SNED1: variants seen among roughly 807,000 people sequenced by gnomAD.
The protein encoded by SNED1 is sushi, nidogen and EGF like domains 1.
Under a neutral mutation model 166.7 loss-of-function variants are expected in SNED1, and 81 were observed. The ratio of observed to expected loss-of-function variants is 0.49; its 90% CI spans 0.41 to 0.58. The LOEUF (loss-of-function observed/expected upper bound fraction) is 0.58. Among genes scored for constraint, SNED1 ranks in the 20% least tolerant of loss-of-function variants. The pLI, the probability that SNED1 is intolerant of heterozygous loss-of-function variation, is 0.00. For synonymous variants in SNED1, 762 were observed against 822.0 expected, an observed-to-expected ratio of 0.93 and a Z score of 1.25; for missense variants, 1,604 against 2,000.2, an observed-to-expected ratio of 0.80 and a Z score of 3.78.
chr2:241,085,075 T>C (rs1372156598), intron 29 of SNED1, among the ~76,000 whole-genome samples: 1 of 152,242 alleles, frequency 6.6e-6, no homozygotes, highest in Non-Finnish European at 1.5e-5. Flanking sequence ...TTGGACAATT[T>C]AATTATGATG....
chr2:241,020,576 G>A (rs2060741372), intron 1 of SNED1, among the ~76,000 whole-genome samples: 1 of 152,294 alleles, frequency 6.6e-6, no homozygotes, highest in African/African-American at 2.4e-5. Context: ...ATTTCCTTTA[G>A]GCCACCAGGA....
intron 29 of SNED1, among the ~76,000 whole-genome samples, chr2:241,085,269 G>A (rs896826158): frequency 1.3e-5 from 2 of 152,138 alleles, no homozygotes; most frequent in South Asian, 2.1e-4. Flanking sequence ...TGTCCCACAG[G>A]TCACTGCAGC....
At chr2:241,032,858 TTTTC>T (rs2061231501) in intron 2 of SNED1, among the ~76,000 whole-genome samples, 1 of 152,230 alleles carries the variant, frequency 6.6e-6, no homozygotes, top group Admixed American at 6.5e-5. Context: ...CTTTTGGTCT[TTTTC>T]TTATTGATCT....
chr2:241,051,876 G>A lies in SNED1; in HGVS notation c.1852+16G>A, dbSNP rs775691029. On this transcript the variant is annotated intron_variant, in intron 13 of 31. Transcript: ENST00000310397. This position sits in a 1 kb window ranked among gnomAD's most constrained non-coding sequence, Gnocchi z 4.7. ...TGTGAGATCGGTGCGGCCCCCAGGG[G>A]CAGGGGGGAGGGCAGGAACGACGGG... The A allele has an allele frequency of 9.2e-6, 14 of 1,525,260 alleles. No homozygotes were observed. In the Middle Eastern group the frequency reaches 8.6e-4, roughly 93 times the overall value. 94.5% of individuals were successfully genotyped at this position (1,525,260 alleles called of 1,614,324 possible). A position where few individuals can be genotyped will look rare whatever the true frequency, so the allele number is the denominator to read the frequency against.
chr2:241,008,528 G>T (rs150573525), intron 1 of SNED1, among the ~76,000 whole-genome samples: 1 of 152,336 alleles, frequency 6.6e-6, no homozygotes, highest in African/African-American at 2.4e-5. Flanking sequence ...GGCAAGACAG[G>T]CTGGAAGGGT....
At chr2:241,024,025 A>G (rs1336387386) in intron 1 of SNED1, among the ~76,000 whole-genome samples, 1 of 150,174 alleles carries the variant, frequency 6.7e-6, no homozygotes, top group Non-Finnish European at 1.5e-5. Flanking sequence ...AGCTGAGACT[A>G]CAGGCATGTG....
In SNED1 at chr2:241,036,789, G is replaced by A; in HGVS notation, c.806-1G>A. On this transcript the variant is annotated splice_acceptor_variant, in intron 4 of 31. Coordinates refer to ENST00000310397, the MANE Select transcript of SNED1 (RefSeq NM_001080437.3). LOFTEE classifies it high-confidence loss of function. The stretch of plus-strand genomic sequence containing the variant: ...GCTCCAGCCCCTCCCTATGTCTGCA[G>A]CGTCCGTGTGCCTGGCCCTGCGCCC... The A allele has an allele frequency of 6.2e-7, 1 of 1,607,514 alleles. No individual in the cohort carries two copies. Among genetic ancestry groups the A allele is most frequent in the Non-Finnish European group, 8.5e-7 (1 of 1,179,578 alleles).
At chr2:241,040,997 C>T (rs1445064247) in intron 8 of SNED1, 3 of 386,228 alleles carry the variant, frequency 7.8e-6, no homozygotes, top group African/African-American at 2.1e-5. Context: ...CCCACTGTGC[C>T]GACTTCTGTG....
Position 241,065,340 on chromosome 2 carries a change from G to A in SNED1, c.2755G>A (p.Glu919Lys). The A allele has an allele frequency of 3.1e-6, 5 of 1,613,016 alleles. No homozygotes were observed. The South Asian group carries it at 4.4e-5, about 14-fold the overall frequency. ...GGCCCTCAAGATGGAGAGAGTGGAG[G>A]AGAGTGGGGTCTCTATCTCCTGGAA... Reference protein sequence around the residue: ...PTALKMERVEESGVSISWNPP... With the variant: ...PTALKMERVEKSGVSISWNPP... Residue 919 changes from glutamate (E) to lysine (K), a missense_variant, in exon 21 of 32, where the codon GAG (glutamate) becomes AAG (lysine). Glu to Lys is a moderately conservative substitution (Grantham distance 56). Coordinates refer to ENST00000310397, the MANE Select transcript of SNED1 (RefSeq NM_001080437.3).
chr2:241,054,877 G>T (rs1464534522), intron 16 of SNED1, among the ~76,000 whole-genome samples: 2 of 152,220 alleles, frequency 1.3e-5, no homozygotes, highest in Admixed American at 6.5e-5. Flanking sequence ...AGCACTTTGG[G>T]AGGCCGAGGC....
Position 241,029,757 on chromosome 2 carries a change from C to G in SNED1, c.214-527C>G, listed in dbSNP as rs1333100834. On this transcript the variant is annotated intron_variant, in intron 1 of 31. Transcript: ENST00000310397. ...TGGAGGCCGAGCACAGGCTCCCCTACTTGGCCCCTGCAGCCTCCCCGGCCA... is the reference window on the plus strand; with the variant it reads ...TGGAGGCCGAGCACAGGCTCCCCTAGTTGGCCCCTGCAGCCTCCCCGGCCA... 2.0e-5 allele frequency among the ~76,000 whole-genome samples: 3 copies of G among 152,264 alleles called. No homozygotes were observed. The South Asian group carries it at 6.2e-4, about 31-fold the overall frequency.
chr2:241,052,191 AG>A (rs747650184), intron 14 of SNED1, 34 bp downstream of exon 14: 12 of 1,574,838 alleles, frequency 7.6e-6, no homozygotes, highest in South Asian at 6.6e-5. Flanking sequence ...CAGGGCGGCC[AG>A]GGGTGAACCC....
At chr2:241,072,133 C>T (rs1289560040) in intron 26 of SNED1, 1 of 693,568 alleles carries the variant, frequency 1.4e-6, no homozygotes, top group East Asian at 2.7e-5. Context: ...GCTGGTAGGG[C>T]ACGCAAGAGA....
At chr2:241,023,888 C>CTTTTTTTTTTTTTTTTTTTTTTT (rs34234341) in intron 1 of SNED1, among the ~76,000 whole-genome samples, 24 of 91,994 alleles carry the variant, frequency 2.6e-4, no homozygotes, top group East Asian at 7.2e-4. Flanking sequence ...TTTTTTTTTC[C>CTTTTTTTTTTTTTTTTTTTTTTT]TTTTTTTTTT....
chr2:241,025,481 G>C (rs987667771), intron 1 of SNED1, among the ~76,000 whole-genome samples: 1 of 152,110 alleles, frequency 6.6e-6, no homozygotes, highest in Non-Finnish European at 1.5e-5. Context: ...ACTTCAACAT[G>C]ATTTGTCATC....
At chr2:241,002,190 C>A (rs77794625) in intron 1 of SNED1, among the ~76,000 whole-genome samples, 4,722 of 152,252 alleles carry the variant, frequency 0.031, 114 homozygotes, top group Middle Eastern at 0.058. Flanking sequence ...CTGTGACACA[C>A]CCCATCACTG....
intron 6 of SNED1, among the ~76,000 whole-genome samples, chr2:241,039,142 C>T (rs1380317726): frequency 6.6e-6 from 1 of 152,182 alleles, no homozygotes; most frequent in Non-Finnish European, 1.5e-5. Context: ...TTGGAAGCCA[C>T]CTTGGCCCCC....
chr2:241,068,781 T>C lies in SNED1; in HGVS notation c.3195-130T>C. On this transcript the variant is annotated intron_variant, in intron 22 of 31. Transcript: ENST00000310397. The surrounding 1 kb of genome is among the most constrained non-coding windows in gnomAD (Gnocchi z 5.3). ...CCATGAGTCTGCCCCTCGTGGAGGT[T>C]GCCTGGGCCACCAGCAGCAGGATGA... The C allele has an allele frequency of 1.5e-6, 1 of 648,772 alleles. No individual in the cohort carries two copies. Among genetic ancestry groups the C allele is most frequent in the Non-Finnish European group, 2.7e-6 (1 of 369,434 alleles). The allele number at this position is 648,772 out of a possible 1,614,324, so 40.2% of individuals were successfully genotyped here. A position where few individuals can be genotyped will look rare whatever the true frequency, so the allele number is the denominator to read the frequency against.
intron 1 of SNED1, among the ~76,000 whole-genome samples, chr2:241,005,163 T>G (rs755735325): frequency 1.1e-4 from 16 of 152,024 alleles, no homozygotes; most frequent in Non-Finnish European, 1.9e-4. Flanking sequence ...AAAAAATTTT[T>G]ATTTTTTAAA....
Sources: gnomAD v4.1 joint callset for allele counts (sites outside exome capture counted in the v4.1 genomes callset) on GRCh38, gnomAD v4.1.1 for gene constraint, Gnocchi (gnomAD v3.1) non-coding constraint, MANE v1.5 for transcripts, NCBI Gene and HGNC (gene_info 2026-07-23, HGNC 2026-07-21) for gene names.